Variants in TAFA1 observed in about 807,000 individuals in gnomAD.
TAFA1 encodes the protein TAFA chemokine like family member 1, also known as chemokine-like protein TAFA-1.
TAFA1 carries 4 observed loss-of-function variants against 18.5 expected under a neutral mutation model. The observed-to-expected ratio is 0.22, with a 90% CI of 0.11 to 0.49. The LOEUF (loss-of-function observed/expected upper bound fraction) is 0.49. Ranked by LOEUF, TAFA1 falls within the 20% of genes least tolerant of loss-of-function variation. The probability of loss-of-function intolerance (pLI) is 0.98; values close to 1 mark genes in which losing one functional copy is unlikely to be tolerated. For missense variants in TAFA1, 147 were observed against 169.0 expected (o/e 0.87, Z 0.72); for synonymous variants, 56 against 55.2 (o/e 1.01, Z -0.06).
chr3:68,327,126 C>T (rs140036527), intron 2 of TAFA1, among the ~76,000 whole-genome samples: 2,123 of 152,290 alleles, frequency 0.014, 23 homozygotes, highest in Non-Finnish European at 0.021. Flanking sequence ...ATGCCTGCCA[C>T]CATGTAAGAC....
rs540164811 is a variant in TAFA1, at chr3:68,144,884, C to G, written c.118+138140C>G. On this transcript the variant is annotated intron_variant, in intron 2 of 4. Coordinates refer to ENST00000478136, the MANE Select transcript of TAFA1 (RefSeq NM_213609.4). ...TGTCTTTTACATTTACATTCCATTT[C>G]CTCATCAAAAAATTGGAGATAATAA... is the stretch of plus-strand genomic sequence containing the variant. The G allele has an allele frequency of 3.4e-5, 22 of 655,114 alleles. No homozygotes were observed. The Admixed American group carries it at 4.5e-4, about 13-fold the overall frequency. The allele number at this position is 655,114 out of a possible 1,614,324, so 40.6% of individuals were successfully genotyped here.
intron 3 of TAFA1, among the ~76,000 whole-genome samples, chr3:68,419,731 G>A (rs1357223799): frequency 6.6e-6 from 1 of 152,144 alleles, no homozygotes; most frequent in East Asian, 1.9e-4. Flanking sequence ...CCTCTAGATC[G>A]ATTCATGTTA....
At chr3:68,169,515 T>G (rs2066025949) in intron 2 of TAFA1, among the ~76,000 whole-genome samples, 1 of 152,256 alleles carries the variant, frequency 6.6e-6, no homozygotes, top group South Asian at 2.1e-4. Flanking sequence ...CTGAACATCT[T>G]ATTTAGTAGA....
intron 3 of TAFA1, among the ~76,000 whole-genome samples, chr3:68,476,489 A>T (rs2106642234): frequency 6.6e-6 from 1 of 152,334 alleles, no homozygotes; most frequent in South Asian, 2.1e-4. Flanking sequence ...CAGTTTAACC[A>T]CCTGAAATTT....
chr3:68,499,409 G>A (rs1263548025), intron 3 of TAFA1, among the ~76,000 whole-genome samples: 6 of 146,282 alleles, frequency 4.1e-5, no homozygotes, highest in African/African-American at 1.0e-4. Flanking sequence ...TTTGGAGCTA[G>A]CTTGCTTCTT....
Position 68,526,181 on chromosome 3 carries a change from C to T in TAFA1, c.260-12575C>T, listed in dbSNP as rs78088890. 4.1e-3 allele frequency among the ~76,000 whole-genome samples: 622 copies of T among 152,274 alleles called. 1 individual carries two copies. Among genetic ancestry groups the T allele is most frequent in the Middle Eastern group, 0.031 (9 of 294 alleles). On this transcript the variant is annotated intron_variant, in intron 3 of 4. Transcript: ENST00000478136. ...TTTCTCCCTTGTCTAAAGTTTCCAT[C>T]AATGCCAAGAGCATCTCCCTGGGAG...
chr3:68,437,570 T>C lies in TAFA1; in HGVS notation c.259+20150T>C, dbSNP rs375887324. Among the ~76,000 whole-genome samples, 8 of 152,206 alleles carry C rather than the reference T, an allele frequency of 5.3e-5. No individual in the cohort carries two copies. The East Asian group carries it at 1.4e-3, about 26-fold the overall frequency. On this transcript the variant is annotated intron_variant, in intron 3 of 4. Coordinates refer to ENST00000478136, the MANE Select transcript of TAFA1 (RefSeq NM_213609.4). ...CATAACATGGCAAGGGGACGGAATA[T>C]GCCACCTCAATTCTCTCTTTCTCTT...
chr3:68,519,011 G>A (rs557591488), intron 3 of TAFA1, among the ~76,000 whole-genome samples: 1 of 152,300 alleles, frequency 6.6e-6, no homozygotes, highest in East Asian at 1.9e-4. Context: ...CAAACAGAAT[G>A]AGTTGATACA....
At chr3:68,069,405 G>T (rs755026630) in intron 2 of TAFA1, among the ~76,000 whole-genome samples, 12 of 152,312 alleles carry the variant, frequency 7.9e-5, no homozygotes, top group Non-Finnish European at 1.5e-4. Context: ...CATGAGAACA[G>T]CATGGGAAAG....
intron 3 of TAFA1, among the ~76,000 whole-genome samples, chr3:68,440,600 C>T (rs2071358655): frequency 6.6e-6 from 1 of 152,162 alleles, no homozygotes; most frequent in Non-Finnish European, 1.5e-5. Context: ...TTGCCTTCAG[C>T]AAATGCCTCA....
intron 3 of TAFA1, among the ~76,000 whole-genome samples, chr3:68,423,489 A>C (rs1471883402): frequency 1.3e-5 from 2 of 152,128 alleles, no homozygotes; most frequent in Non-Finnish European, 2.9e-5. Flanking sequence ...GCATTCTTAT[A>C]AGATGCAAAA....
chr3:68,223,640 C>T (rs2066759540), intron 2 of TAFA1, among the ~76,000 whole-genome samples: 1 of 151,986 alleles, frequency 6.6e-6, no homozygotes, highest in African/African-American at 2.4e-5. Flanking sequence ...CCCTCCAAGC[C>T]TTGGAAGTCA....
intron 2 of TAFA1, among the ~76,000 whole-genome samples, chr3:68,220,489 T>C (rs1350498842): frequency 1.3e-5 from 2 of 152,098 alleles, no homozygotes; most frequent in Non-Finnish European, 2.9e-5. Context: ...CTAAGTTCTT[T>C]AGACCTACTC....
intron 2 of TAFA1, among the ~76,000 whole-genome samples, chr3:68,226,957 G>C (rs1171484058): frequency 6.6e-6 from 1 of 152,168 alleles, no homozygotes; most frequent in African/African-American, 2.4e-5. Context: ...GAGGAGTAAA[G>C]GGTACGTAGC....
intron 2 of TAFA1, among the ~76,000 whole-genome samples, chr3:68,268,780 A>G (rs1435720275): frequency 6.6e-6 from 1 of 152,096 alleles, no homozygotes; most frequent in Non-Finnish European, 1.5e-5. Context: ...TGCTCCCTGC[A>G]CTTTTCTGCT....
chr3:68,346,480 T>C (rs982508328), intron 2 of TAFA1, among the ~76,000 whole-genome samples: 2 of 152,176 alleles, frequency 1.3e-5, no homozygotes, highest in African/African-American at 4.8e-5. Flanking sequence ...TTATCTGGCA[T>C]TTTCCTTCTC....
chr3:68,047,709 A>G (rs2064407144), intron 2 of TAFA1, among the ~76,000 whole-genome samples: 1 of 152,192 alleles, frequency 6.6e-6, no homozygotes, highest in African/African-American at 2.4e-5. Context: ...CAGGAGCACA[A>G]CAACCTGACC....
intron 3 of TAFA1, among the ~76,000 whole-genome samples, chr3:68,475,883 T>C (rs2072084777): frequency 6.6e-6 from 1 of 152,190 alleles, no homozygotes; most frequent in South Asian, 2.1e-4. Context: ...CTCATTGTGG[T>C]TTTAATTTGC....
chr3:68,340,627 A>C (rs919506552), intron 2 of TAFA1, among the ~76,000 whole-genome samples: 3 of 151,946 alleles, frequency 2.0e-5, no homozygotes, highest in African/African-American at 7.3e-5. Flanking sequence ...TTTTCTATGG[A>C]TATTTCCTTG....
Sources: gnomAD v4.1 joint callset for allele counts (sites outside exome capture counted in the v4.1 genomes callset) on GRCh38, gnomAD v4.1.1 for gene constraint, MANE v1.5 for transcripts, NCBI Gene and HGNC (gene_info 2026-07-23, HGNC 2026-07-21) for gene names.